GABRE: variants seen among roughly 807,000 people sequenced by gnomAD.
GABRE encodes the protein gamma-aminobutyric acid type A receptor subunit epsilon, also known as gamma-aminobutyric acid receptor subunit epsilon.
In GABRE, 20 loss-of-function variants were observed where a neutral mutation model predicts 31.0. The ratio of observed to expected loss-of-function variants is 0.64; its 90% CI spans 0.45 to 0.94. The LOEUF is 0.94. GABRE is among the 40% of genes least tolerant of loss of function. The probability of loss-of-function intolerance (pLI) is 0.00; values close to 1 mark genes in which losing one functional copy is unlikely to be tolerated. For synonymous variants in GABRE, 155 were observed against 150.6 expected (o/e 1.03, Z -0.21); for missense variants, 420 against 410.7 (o/e 1.02, Z -0.20).
At chrX:151,974,548 G>T in intron 1 of GABRE, 22 bp downstream of exon 1, 1 of 1,090,405 alleles carries the variant, frequency 9.2e-7, no homozygotes, top group East Asian at 4.3e-5. Context: ...AAGGGCTCCC[G>T]GGTCCCGGGA....
chrX:151,962,961 C>G (rs147110716), intron 3 of GABRE, among the ~76,000 whole-genome samples: 1,715 of 111,854 alleles, frequency 0.015, 14 homozygotes, highest in Middle Eastern at 0.037. Flanking sequence ...ACACAATTCT[C>G]ACACAACTCA....
intron 6 of GABRE, chrX:151,958,357 G>C (rs771971115): frequency 4.9e-5 from 12 of 242,599 alleles, no homozygotes; most frequent in Non-Finnish European, 9.1e-5. Context: ...CGCCGAGCAC[G>C]TAAGTATGCT....
chrX:151,961,122 TG>T, intron 5 of GABRE, 160 bp downstream of exon 5: 1 of 455,030 alleles, frequency 2.2e-6, no homozygotes, highest in East Asian at 3.7e-5. Context: ...AACACAGTAT[TG>T]TTGGCAGGAA....
intron 6 of GABRE, chrX:151,957,316 C>T: frequency 4.0e-6 from 1 of 252,044 alleles, no homozygotes; most frequent in Non-Finnish European, 7.4e-6. Context: ...AGCAAAGCTT[C>T]TCAGATTCTT....
chrX:151,954,539 G>A lies in GABRE; in HGVS notation c.*162C>T. On this transcript the variant is annotated 3_prime_UTR_variant, in exon 9 of 9. Coordinates refer to ENST00000370328, the MANE Select transcript of GABRE (RefSeq NM_004961.4). ...GTGAATGGGCCAGGTAGGGGAGAGG[G>A]GCAGCAAAGACAAACCCTCTGCAAG... 1 of 443,317 alleles carries A rather than the reference G, an allele frequency of 2.3e-6. No individual in the cohort carries two copies. Among genetic ancestry groups the A allele is most frequent in the East Asian group, 3.8e-5 (1 of 26,209 alleles). 36.5% of individuals were successfully genotyped at this position (443,317 alleles called of 1,213,427 possible).
chrX:151,968,976 GA>G (rs1934604372), intron 3 of GABRE, among the ~76,000 whole-genome samples: 1 of 112,265 alleles, frequency 8.9e-6, no homozygotes, highest in Admixed American at 9.4e-5. Context: ...GCTAGATACT[GA>G]AAAAGAAGGC....
In GABRE at chrX:151,955,824, C is replaced by T. The variant is rs767558731; in HGVS notation, c.821G>A (p.Ser274Asn). Residue 274 changes from serine (S) to asparagine (N), a missense_variant, in exon 7 of 9, where the codon AGC becomes AAC. Physicochemically the swap from Ser to Asn is conservative, Grantham distance 46. Transcript: ENST00000370328. ...AAAGGCAACATAGCCAAACCGCCTG[C>T]TCACATTGAAGAAAATCGTCATGAC... ...FMVMTIFFNVSRRFGYVAFQN... is the reference protein window; with the variant it reads ...FMVMTIFFNVNRRFGYVAFQN... The T allele has an allele frequency of 2.5e-5, 30 of 1,210,416 alleles. 1 individual carries two copies. The Middle Eastern group carries it at 1.1e-3, about 46-fold the overall frequency.
rs1934055765 is a variant in GABRE, at chrX:151,954,252, C to G, written c.*449G>C. 1 of 118,827 alleles carries G rather than the reference C, an allele frequency of 8.4e-6. No homozygotes were observed. Among genetic ancestry groups the G allele is most frequent in the Non-Finnish European group, 1.7e-5 (1 of 57,649 alleles). 9.8% of individuals were successfully genotyped at this position (118,827 alleles called of 1,213,427 possible). On this transcript the variant is annotated 3_prime_UTR_variant, in exon 9 of 9. Coordinates refer to ENST00000370328, the MANE Select transcript of GABRE (RefSeq NM_004961.4). ...TGAGGTGCCAGGTATAGGCAAGCAA[C>G]TAGTCGGTGCACTTTGAGGCTGAGG...
intron 6 of GABRE, chrX:151,957,001 C>T (rs1365305709): frequency 8.6e-6 from 1 of 115,716 alleles, no homozygotes; most frequent in African/African-American, 3.2e-5. Flanking sequence ...ATTGCAGTTG[C>T]AATACTGTAA....
At chrX:151,960,021 C>T in intron 5 of GABRE, 45 bp from the exon 6 acceptor site, 3 of 1,150,533 alleles carry the variant, frequency 2.6e-6, no homozygotes, top group Non-Finnish European at 3.5e-6. Flanking sequence ...ACTTGGAAGC[C>T]CACCTGAGGT....
At chrX:151,969,845 A>G in intron 2 of GABRE, 109 bp from the exon 3 acceptor site, 1 of 1,123,531 alleles carries the variant, frequency 8.9e-7, no homozygotes, top group Non-Finnish European at 1.2e-6. Flanking sequence ...GTTGGACCAC[A>G]CAGTTTCAGC....
chrX:151,959,540 G>A (rs1934287512), intron 6 of GABRE: 3 of 392,730 alleles, frequency 7.6e-6, no homozygotes, highest in South Asian at 5.1e-5. Flanking sequence ...TTGTAACCTC[G>A]AAACTGAAGG....
intron 1 of GABRE, chrX:151,971,663 A>C (rs975912928): frequency 3.3e-5 from 4 of 121,112 alleles, no homozygotes; most frequent in Admixed American, 9.1e-5. Flanking sequence ...ATGAGTTCAC[A>C]AACAATGGGG....
At chrX:151,972,507 C>T (rs908244906) in intron 1 of GABRE, 1 of 751,545 alleles carries the variant, frequency 1.3e-6, no homozygotes, top group African/African-American at 2.3e-5. Flanking sequence ...ACAGGACCAC[C>T]TAAACGCCTG....
intron 6 of GABRE, chrX:151,958,875 G>A: frequency 7.1e-6 from 2 of 279,773 alleles, no homozygotes; most frequent in Middle Eastern, 6.1e-4. Context: ...TACTGTGCAA[G>A]CAAAGCTCTA....
intron 1 of GABRE, chrX:151,972,388 G>C (rs1934736114): frequency 1.3e-6 from 1 of 751,516 alleles, no homozygotes; most frequent in African/African-American, 2.3e-5. Context: ...CAGTGACTAT[G>C]GGAAGAGAGG....
chrX:151,974,002 A>G (rs1480047960), intron 1 of GABRE, among the ~76,000 whole-genome samples: 1 of 111,244 alleles, frequency 9.0e-6, no homozygotes, highest in Admixed American at 9.5e-5. Context: ...TGGCACCAAC[A>G]GGAGCAGCGG....
At chrX:151,957,464 G>A (rs1484719396) in intron 6 of GABRE, 1 of 330,967 alleles carries the variant, frequency 3.0e-6, no homozygotes, top group Non-Finnish European at 5.9e-6. Flanking sequence ...TTTATCAAAA[G>A]TCCTCTTGCC....
At chrX:151,956,439 G>C (rs2269417) in intron 6 of GABRE, 36,860 of 112,945 alleles carry the variant, frequency 0.33, 4,384 homozygotes, top group East Asian at 0.45. Flanking sequence ...CCAAAGTTTT[G>C]GTGGCTCCCT....
Sources: allele counts gnomAD v4.1 joint callset (sites outside exome capture counted in the v4.1 genomes callset), GRCh38; gene constraint gnomAD v4.1.1; transcripts MANE v1.5; gene names NCBI Gene and HGNC (gene_info 2026-07-23, HGNC 2026-07-21).